TNFSF14: variants seen among roughly 807,000 people sequenced by gnomAD.
TNFSF14 encodes the protein TNF superfamily member 14.
A neutral mutation model predicts 22.7 loss-of-function variants in TNFSF14; 15 were observed. That is an observed-to-expected ratio of 0.66 (90% CI 0.44 to 1.02). TNFSF14 has a LOEUF of 1.02. Among genes scored for constraint, TNFSF14 ranks in the 50% least tolerant of loss-of-function variants. The probability of loss-of-function intolerance (pLI) is 0.00; values close to 1 mark genes in which losing one functional copy is unlikely to be tolerated. For missense variants in TNFSF14, 287 were observed against 326.2 expected (o/e 0.88, Z 0.93); for synonymous variants, 133 against 139.6 (o/e 0.95, Z 0.33).
At chr19:6,666,135 A>G (rs1917418363) in intron 3 of TNFSF14, among the ~76,000 whole-genome samples, 1 of 151,988 alleles carries the variant, frequency 6.6e-6, no homozygotes, top group Non-Finnish European at 1.5e-5. Context: ...TCTCACCCCT[A>G]TAATCCCAGC....
chr19:6,665,139 T>C lies in TNFSF14; in HGVS notation c.510A>G (p.Thr170=). The C allele has an allele frequency of 6.2e-7, 1 of 1,613,898 alleles. No individual in the cohort carries two copies. Among genetic ancestry groups the C allele is most frequent in the Non-Finnish European group, 8.5e-7 (1 of 1,179,926 alleles). Residue 170 remains threonine (T), a synonymous_variant, in exon 4 of 4, where the codon ACA becomes ACG. Transcript: ENST00000675206. ...GCTCCAGCTCCTCGGGGTAGCGGGG[T>C]GTGCGCTTGTAGAGGCCGTGGGTGA... ...STITHGLYKR[T]PRYPEELELL...
chr19:6,669,986 G>A lies in TNFSF14; in HGVS notation c.84C>T (p.His28=). ...GGGCCACACTGCACGACTGTCTCCG[G>A]TGGCTTCGTCCCAGCCTCGTGAATG... ...DIPFTRLGRS[H]RRQSCSVARV... Residue 28 remains histidine (H), a synonymous_variant, in exon 1 of 4, where the codon CAC becomes CAT. Transcript: ENST00000675206. The A allele has an allele frequency of 6.2e-7, 1 of 1,614,156 alleles. No individual in the cohort carries two copies. The highest frequency in any genetic ancestry group is 8.5e-7 in the Non-Finnish European group (1 of 1,180,030).
At chr19:6,667,374 C>A (rs1315671319) in intron 2 of TNFSF14, 39 bp downstream of exon 2, 16 of 1,519,540 alleles carry the variant, frequency 1.1e-5, no homozygotes, top group African/African-American at 1.4e-5. Flanking sequence ...GCATGGGAAT[C>A]ATCACACCTC....
At chr19:6,670,499 CA>C (rs1463765250), upstream of TNFSF14, 1 of 184,676 alleles carries the variant, frequency 5.4e-6, no homozygotes, top group African/African-American at 2.3e-5. Context: ...CTGGTGGAGC[CA>C]GAGAGACAAG....
At position 6,664,610 on chromosome 19, in the gene TNFSF14, C is replaced by CCGTA; in HGVS notation, c.*315_*316insTACG. The CCGTA allele has an allele frequency of 5.0e-6, 1 of 198,136 alleles. No homozygotes were observed. Among genetic ancestry groups the CCGTA allele is most frequent in the Non-Finnish European group, 1.0e-5 (1 of 98,118 alleles). 12.3% of individuals were successfully genotyped at this position (198,136 alleles called of 1,614,324 possible). A position where few individuals can be genotyped will look rare whatever the true frequency, so the allele number is the denominator to read the frequency against. On this transcript the variant is annotated 3_prime_UTR_variant, in exon 4 of 4. Transcript: ENST00000675206. This position sits in a 1 kb window ranked among gnomAD's most constrained non-coding sequence, Gnocchi z 4.7. Reference sequence around the variant, plus strand: ...TTGGAGTGCAGTGGTGTGATCTCGGCTCACTGCAACCTCCGCCTCCCGGGT... The same window carrying CCGTA: ...TTGGAGTGCAGTGGTGTGATCTCGGCCGTATCACTGCAACCTCCGCCTCCCGGGT...
Position 6,665,312 on chromosome 19 carries a change from A to G in TNFSF14, c.337T>C (p.Leu113=). ...GCCAGGCCCAGCTGAGTCTCCCATA[A>G]CAGCGGCCCCCCGCTGCCGGTCAAG... ...SSLTGSGGPL[L]WETQLGLAFL... Residue 113 remains leucine, a synonymous_variant, in exon 4 of 4, where the codon TTA becomes CTA. Transcript: ENST00000675206. The G allele has an allele frequency of 6.2e-7, 1 of 1,605,920 alleles. No homozygotes were observed. The highest frequency in any genetic ancestry group is 8.5e-7 in the Non-Finnish European group (1 of 1,176,364).
rs957915322 is a variant in TNFSF14 at position 6,661,968 on chromosome 19, C to T, written c.*2958G>A. ...TGCCTGCATTTCCACTGCAATCTAT[C>T]ACATGTGATGAGTTGTGGAATTTCC... On this transcript the variant is annotated 3_prime_UTR_variant, in exon 4 of 4. Transcript: ENST00000675206. 2 of 152,280 alleles carry T rather than the reference C, an allele frequency of 1.3e-5. No homozygotes were observed. Among genetic ancestry groups the T allele is most frequent in the Non-Finnish European group, 2.9e-5 (2 of 68,048 alleles). The allele number at this position is 152,280 out of a possible 1,614,324, so 9.4% of individuals were successfully genotyped here. A position where few individuals can be genotyped will look rare whatever the true frequency, so the allele number is the denominator to read the frequency against.
At chr19:6,670,334 A>G (rs1307028357), upstream of TNFSF14, 1 of 1,271,644 alleles carries the variant, frequency 7.9e-7, no homozygotes, top group Non-Finnish European at 1.0e-6. Context: ...TCAGGTGGCA[A>G]GTGCAGTGGG....
chr19:6,667,044 T>C, intron 3 of TNFSF14, 69 bp downstream of exon 3: 3 of 1,558,444 alleles, frequency 1.9e-6, no homozygotes, highest in Non-Finnish European at 2.6e-6. Flanking sequence ...CTGATATGTA[T>C]GGCGTTTATC....
At chr19:6,667,916 C>G (rs1229841918) in intron 1 of TNFSF14, among the ~76,000 whole-genome samples, 2 of 152,086 alleles carry the variant, frequency 1.3e-5, no homozygotes, top group African/African-American at 4.8e-5. Flanking sequence ...TGGTGGGTGC[C>G]TGTAATCCCA....
upstream of TNFSF14, chr19:6,670,487 T>G: frequency 5.2e-6 from 1 of 192,822 alleles, no homozygotes. Context: ...CCTGCTCCTC[T>G]TCTGGTGGAG....
At chr19:6,669,314 T>A (rs1917525253) in intron 1 of TNFSF14, among the ~76,000 whole-genome samples, 1 of 151,776 alleles carries the variant, frequency 6.6e-6, no homozygotes, top group South Asian at 2.1e-4. Flanking sequence ...AGAAGCCCCA[T>A]CTCTACTAAA....
rs1305244524 is a variant in TNFSF14, at chr19:6,661,836, G to GT, written c.*3089dup. The stretch of plus-strand genomic sequence containing the variant: ...TTTCCTCCACCTATTCAACACAGAA[G>GT]TACCTAACAGTAAAAGATGAGAGAT... On this transcript the variant is annotated 3_prime_UTR_variant, in exon 4 of 4. Transcript: ENST00000675206. 1 of 152,186 alleles carries GT rather than the reference G, an allele frequency of 6.6e-6. No individual in the cohort carries two copies. Among genetic ancestry groups the GT allele is most frequent in the Non-Finnish European group, 1.5e-5 (1 of 68,026 alleles). 9.4% of individuals were successfully genotyped at this position (152,186 alleles called of 1,614,324 possible).
chr19:6,669,144 T>A (rs1030689309), intron 1 of TNFSF14, among the ~76,000 whole-genome samples: 7 of 151,866 alleles, frequency 4.6e-5, no homozygotes, highest in Non-Finnish European at 1.0e-4. Flanking sequence ...TTTCCACAGA[T>A]GGAAATGGTC....
At chr19:6,668,961 C>T (rs1077667) in intron 1 of TNFSF14, among the ~76,000 whole-genome samples, 29,467 of 152,130 alleles carry the variant, frequency 0.19, 3,252 homozygotes, top group East Asian at 0.28. Flanking sequence ...TGTGGGTACA[C>T]GCACATACGT....
rs377586971 is a variant in TNFSF14, at chr19:6,669,344, G to A, written c.219+507C>T. 2.6e-3 allele frequency among the ~76,000 whole-genome samples: 402 copies of A among 152,230 alleles called. 2 individuals are homozygous for A. Among genetic ancestry groups the A allele is most frequent in the African/African-American group, 9.3e-3 (388 of 41,546 alleles). On this transcript the variant is annotated intron_variant, in intron 1 of 3. Coordinates refer to ENST00000675206, the MANE Select transcript of TNFSF14 (RefSeq NM_001376887.1). ...ACTAAAAATACAAAATTGGCCAGGC[G>A]TGGTGGCGCATGCCTGTAATCCCAG...
At chr19:6,666,987 G>A in intron 3 of TNFSF14, 126 bp downstream of exon 3, 1 of 917,564 alleles carries the variant, frequency 1.1e-6, no homozygotes, top group Non-Finnish European at 1.6e-6. Context: ...TGCAGCCTAT[G>A]TTCTGAGCAA....
intron 1 of TNFSF14, among the ~76,000 whole-genome samples, chr19:6,668,574 C>T (rs961527042): frequency 7.9e-5 from 12 of 151,942 alleles, no homozygotes; most frequent in African/African-American, 2.7e-4. Flanking sequence ...GGCACGGTGG[C>T]GGATGCCTGT....
chr19:6,670,137 C>A lies in TNFSF14; in HGVS notation c.-68G>T. ...AACCTCAGAGGAAACCGAAATTGCTCAACACTCCTGGGCTGTGCACGCTGC... is the reference window on the plus strand; with the variant it reads ...AACCTCAGAGGAAACCGAAATTGCTAAACACTCCTGGGCTGTGCACGCTGC... On this transcript the variant is annotated 5_prime_UTR_variant, in exon 1 of 4. Transcript: ENST00000675206. 6.3e-7 allele frequency: 1 copy of A among 1,587,736 alleles called. No individual in the cohort carries two copies. The highest frequency in any genetic ancestry group is 1.1e-5 in the South Asian group (1 of 88,948).
Sources: allele counts gnomAD v4.1 joint callset (sites outside exome capture counted in the v4.1 genomes callset), GRCh38; gene constraint gnomAD v4.1.1; non-coding constraint Gnocchi (gnomAD v3.1); transcripts MANE v1.5; gene names NCBI Gene and HGNC (gene_info 2026-07-23, HGNC 2026-07-21).